The following ZNF681 variants were observed in gnomAD, a reference collection of about 807,000 sequenced individuals.
The protein encoded by ZNF681 is zinc finger protein 681.
A neutral mutation model predicts 56.0 loss-of-function variants in ZNF681; 37 were observed. The observed-to-expected ratio is 0.66, with a 90% CI of 0.51 to 0.87. The LOEUF is 0.87. ZNF681 is among the 40% of genes least tolerant of loss of function. The probability of loss-of-function intolerance (pLI) is 0.00; values close to 1 mark genes in which losing one functional copy is unlikely to be tolerated. For synonymous variants in ZNF681, 225 were observed against 248.6 expected, an observed-to-expected ratio of 0.91 and a Z score of 0.89; for missense variants, 741 against 744.9, an observed-to-expected ratio of 0.99 and a Z score of 0.06.
chr19:23,749,483 G>T (rs930889735), intron 3 of ZNF681, among the ~76,000 whole-genome samples: 2 of 151,942 alleles, frequency 1.3e-5, no homozygotes, highest in Non-Finnish European at 2.9e-5. Context: ...ATTCTATCAC[G>T]TAAGGTGGAG....
chr19:23,753,579 T>C (rs1223851022), intron 3 of ZNF681, among the ~76,000 whole-genome samples: 1 of 152,288 alleles, frequency 6.6e-6, no homozygotes, highest in African/African-American at 2.4e-5. Flanking sequence ...AAGTGCCATG[T>C]TGGCCAGGCA....
chr19:23,745,449 AT>A (rs370284460), intron 3 of ZNF681, 126 bp from the exon 4 acceptor site: 71,807 of 475,824 alleles, frequency 0.15, 269 homozygotes, highest in Middle Eastern at 0.18. Context: ...AAAGGCCCTA[AT>A]TTTTTTTTTT....
chr19:23,752,890 G>C (rs1478923205), intron 3 of ZNF681, among the ~76,000 whole-genome samples: 1 of 151,882 alleles, frequency 6.6e-6, no homozygotes, highest in Non-Finnish European at 1.5e-5. Flanking sequence ...CGTGGCAAAA[G>C]AATTAGTCAA....
rs1023216685 is a variant in ZNF681, at chr19:23,756,833, G to T, written c.4-1282C>A. Reference sequence around the variant, plus strand: ...AATAGAAAAAAAATATATTATAAAAGACTATACTTAGAAATAAATGATAAT... The same window carrying T: ...AATAGAAAAAAAATATATTATAAAATACTATACTTAGAAATAAATGATAAT... On this transcript the variant is annotated intron_variant, in intron 1 of 3. Transcript: ENST00000402377. Among the ~76,000 whole-genome samples the T allele has an allele frequency of 6.5e-4, 98 of 151,638 alleles. 1 individual carries two copies. Among genetic ancestry groups the T allele is most frequent in the African/African-American group, 2.2e-3 (92 of 41,342 alleles).
chr19:23,754,017 G>C (rs1189423257), intron 3 of ZNF681, among the ~76,000 whole-genome samples: 1 of 149,870 alleles, frequency 6.7e-6, no homozygotes, highest in East Asian at 1.9e-4. Context: ...AAGCAATCTT[G>C]AGAAAAAAAA....
chr19:23,748,474 C>T (rs555246783), intron 3 of ZNF681, among the ~76,000 whole-genome samples: 2 of 152,288 alleles, frequency 1.3e-5, no homozygotes, highest in South Asian at 4.1e-4. Flanking sequence ...CAAGCCTGCA[C>T]TAAGTAAAGC....
rs1171135010 is a variant in ZNF681 at position 23,740,392 on chromosome 19, A to T, written c.*3220T>A. 2.0e-5 allele frequency: 3 copies of T among 152,152 alleles called. No individual in the cohort carries two copies. Among genetic ancestry groups the T allele is most frequent in the Admixed American group, 6.5e-5 (1 of 15,272 alleles). The allele number at this position is 152,152 out of a possible 1,614,324, so 9.4% of individuals were successfully genotyped here. Reference sequence around the variant, plus strand: ...TAATAAGACAAACAAAACTAAGACAATTAGGAAATAAAAGAAGCACAATTT... The same window carrying T: ...TAATAAGACAAACAAAACTAAGACATTTAGGAAATAAAAGAAGCACAATTT... On this transcript the variant is annotated 3_prime_UTR_variant, in exon 4 of 4. Coordinates refer to ENST00000402377, the MANE Select transcript of ZNF681 (RefSeq NM_138286.3).
Position 23,744,097 on chromosome 19 carries a change from T to A in ZNF681, c.1453A>T (p.Lys485Ter). 6.2e-7 allele frequency: 1 copy of A among 1,612,304 alleles called. No homozygotes were observed. Among genetic ancestry groups the A allele is most frequent in the Non-Finnish European group, 8.5e-7 (1 of 1,178,884 alleles). ...EKPYKCEECGKAFNQSSILTT... is the reference protein window; with the variant it reads ...EKPYKCEECG ...AGGATTGAGGACTGGTTAAAAGCTTTGCCACATTCTTCACATTTGTAGGGT... is the reference window on the plus strand; with the variant it reads ...AGGATTGAGGACTGGTTAAAAGCTTAGCCACATTCTTCACATTTGTAGGGT... Residue 485 changes from lysine to a stop codon, truncating the protein, a stop_gained, in exon 4 of 4, where the codon AAA becomes TAA. Coordinates refer to ENST00000402377, the MANE Select transcript of ZNF681 (RefSeq NM_138286.3). LOFTEE classifies it high-confidence loss of function.
chr19:23,749,093 A>G (rs1373269080), intron 3 of ZNF681, among the ~76,000 whole-genome samples: 1 of 152,224 alleles, frequency 6.6e-6, no homozygotes, highest in Non-Finnish European at 1.5e-5. Context: ...AGACTGAAGC[A>G]ACCCTTTCTT....
At chr19:23,745,915 A>G (rs1045468776) in intron 3 of ZNF681, among the ~76,000 whole-genome samples, 3 of 152,232 alleles carry the variant, frequency 2.0e-5, no homozygotes, top group Admixed American at 6.5e-5. Flanking sequence ...CATTTACCCA[A>G]CATAGATCTT....
At chr19:23,749,047 T>C (rs1968986095) in intron 3 of ZNF681, among the ~76,000 whole-genome samples, 1 of 152,210 alleles carries the variant, frequency 6.6e-6, no homozygotes, top group South Asian at 2.1e-4. Context: ...TATTTGAATA[T>C]TGATGTTTAC....
In ZNF681 at chr19:23,744,016, C is replaced by G. The variant is rs562554686; in HGVS notation, c.1534G>C (p.Gly512Arg). The change falls in exon 4 of 4, where the codon GGC becomes CGC. Residue 512 changes from glycine (G) to arginine (R), a missense_variant. Coordinates refer to ENST00000402377, the MANE Select transcript of ZNF681 (RefSeq NM_138286.3). ...GEKSYKCEEC[G>R]KAFYRSSKLT... ...TTTGAGGATCGATAGAAAGCTTTGC[C>G]ACATTCTTCACATTTGTAGGATTTC... 1.2e-6 allele frequency: 2 copies of G among 1,612,798 alleles called. No individual in the cohort carries two copies. The highest frequency in any genetic ancestry group is 4.5e-5 in the East Asian group (2 of 44,778).
Position 23,740,564 on chromosome 19 carries a change from A to T in ZNF681, c.*3048T>A, listed in dbSNP as rs1220208597. ...AACAGGAATATTTATGGCTTATTATAAAGCATCTGTGACACAGAAAGCACT... is the reference window on the plus strand; with the variant it reads ...AACAGGAATATTTATGGCTTATTATTAAGCATCTGTGACACAGAAAGCACT... On this transcript the variant is annotated 3_prime_UTR_variant, in exon 4 of 4. Coordinates refer to ENST00000402377, the MANE Select transcript of ZNF681 (RefSeq NM_138286.3). 1.3e-5 allele frequency: 2 copies of T among 152,210 alleles called. No homozygotes were observed. The highest frequency in any genetic ancestry group is 6.5e-5 in the Admixed American group (1 of 15,284). The allele number at this position is 152,210 out of a possible 1,614,324, so 9.4% of individuals were successfully genotyped here.
At position 23,745,089 on chromosome 19, in the gene ZNF681, A is replaced by T. The variant is rs755162896; in HGVS notation, c.461T>A (p.Phe154Tyr). The T allele has an allele frequency of 1.4e-5, 23 of 1,602,652 alleles. 1 individual carries two copies. In the South Asian group the frequency reaches 2.6e-4, roughly 18 times the overall value. ...TACCTTATGTCCATTTAAATTTGAA[A>T]ATTTATGAAAGATTTTCATATATTT... is the stretch of plus-strand genomic sequence containing the variant. ...CDKYMKIFHK[F>Y]SNLNGHKVRH... The change falls in exon 4 of 4, where the codon TTT (phenylalanine) becomes TAT (tyrosine). Residue 154 changes from phenylalanine to tyrosine, a missense_variant. By Grantham distance (22) the Phe-to-Tyr change is conservative (BLOSUM62 3). Transcript: ENST00000402377.
intron 1 of ZNF681, 37 bp from the exon 2 acceptor site, chr19:23,755,588 C>CAT: frequency 1.4e-6 from 2 of 1,383,450 alleles, no homozygotes; most frequent in African/African-American, 1.5e-5. Context: ...CACACACACA[C>CAT]ACACACACAC....
rs1186211989 is a variant in ZNF681, at chr19:23,755,429, G to T, written c.126C>A (p.Phe42Leu). 5 of 1,610,274 alleles carry T rather than the reference G, an allele frequency of 3.1e-6. No homozygotes were observed. Among genetic ancestry groups the T allele is most frequent in the Non-Finnish European group, 4.2e-6 (5 of 1,178,286 alleles). Reference sequence around the variant, plus strand: ...GTATATTGAAGTTATCCTCACCCAAGAAGACCAGGTTTCTGTAGTTCTCTA... The same window carrying T: ...GTATATTGAAGTTATCCTCACCCAATAAGACCAGGTTTCTGTAGTTCTCTA... Reference protein sequence around the residue: ...VMLENYRNLVFLGIVVSKPDL... With the variant: ...VMLENYRNLVLLGIVVSKPDL... The change falls in exon 2 of 4, where the codon TTC becomes TTA. Residue 42 changes from phenylalanine to leucine, a missense_variant. Phe to Leu is a conservative substitution (Grantham distance 22, BLOSUM62 0). Coordinates refer to ENST00000402377, the MANE Select transcript of ZNF681 (RefSeq NM_138286.3).
chr19:23,748,121 G>C (rs928258041), intron 3 of ZNF681, among the ~76,000 whole-genome samples: 8 of 151,988 alleles, frequency 5.3e-5, no homozygotes, highest in African/African-American at 1.9e-4. Flanking sequence ...TTAAATGCAT[G>C]AGCATCAAAG....
rs1968894572 is a variant in ZNF681, at chr19:23,743,462, G to A, written c.*150C>T. 6.1e-6 allele frequency: 4 copies of A among 656,652 alleles called. No homozygotes were observed. The highest frequency in any genetic ancestry group is 9.3e-6 in the Non-Finnish European group (4 of 431,744). The allele number at this position is 656,652 out of a possible 1,614,324, so 40.7% of individuals were successfully genotyped here. The stretch of plus-strand genomic sequence containing the variant: ...TCTGTATATTTGAAATTTTTTTCTA[G>A]TACAAATGCTTTCCTGTGCAATAAG... On this transcript the variant is annotated 3_prime_UTR_variant, in exon 4 of 4. Coordinates refer to ENST00000402377, the MANE Select transcript of ZNF681 (RefSeq NM_138286.3).
intron 1 of ZNF681, among the ~76,000 whole-genome samples, chr19:23,756,326 C>CG (rs953794150): frequency 6.7e-6 from 1 of 149,878 alleles, no homozygotes; most frequent in Non-Finnish European, 1.5e-5. Flanking sequence ...CTCTGTCCCC[C>CG]CCCAAAAAAA....
Sources: gnomAD v4.1 joint callset for allele counts (sites outside exome capture counted in the v4.1 genomes callset) on GRCh38, gnomAD v4.1.1 for gene constraint, MANE v1.5 for transcripts, NCBI Gene and HGNC (gene_info 2026-07-23, HGNC 2026-07-21) for gene names.